NFAM1: variants seen among roughly 807,000 people sequenced by gnomAD.
NFAM1 encodes the protein NFAT activation molecule 1.
A neutral mutation model predicts 29.0 loss-of-function variants in NFAM1; 17 were observed. That is an observed-to-expected ratio of 0.59 (90% CI 0.40 to 0.88). NFAM1 has a LOEUF of 0.88. Ranked by LOEUF, NFAM1 falls within the 40% of genes least tolerant of loss-of-function variation. The pLI is 0.00. For missense variants in NFAM1, 324 were observed against 344.6 expected, an observed-to-expected ratio of 0.94 and a Z score of 0.47; for synonymous variants, 175 against 147.2, an observed-to-expected ratio of 1.19 and a Z score of -1.36.
intron 4 of NFAM1, among the ~76,000 whole-genome samples, chr22:42,397,046 G>A (rs536259716): frequency 2.2e-4 from 33 of 152,340 alleles, no homozygotes; most frequent in African/African-American, 7.9e-4. Context: ...CAGATCTCAC[G>A]AGATGGGGAC....
chr22:42,400,529 AT>A (rs1929691287), intron 3 of NFAM1, among the ~76,000 whole-genome samples: 1 of 152,202 alleles, frequency 6.6e-6, no homozygotes, highest in Non-Finnish European at 1.5e-5. Flanking sequence ...GAGGCAGAGA[AT>A]TGCTTGAACC....
chr22:42,434,399 C>G (rs1930891485), upstream of NFAM1, among the ~76,000 whole-genome samples: 1 of 152,170 alleles, frequency 6.6e-6, no homozygotes, highest in Non-Finnish European at 1.5e-5. Flanking sequence ...TGCATACTCC[C>G]CAGGCAGGCC....
chr22:42,432,617 C>T (rs1930848796), upstream of NFAM1, among the ~76,000 whole-genome samples: 1 of 152,218 alleles, frequency 6.6e-6, no homozygotes, highest in African/African-American at 2.4e-5. Context: ...GGGCTTCACC[C>T]TGTCTCGGCC....
At chr22:42,400,879 G>A (rs1929703027) in intron 3 of NFAM1, among the ~76,000 whole-genome samples, 1 of 152,226 alleles carries the variant, frequency 6.6e-6, no homozygotes, top group Non-Finnish European at 1.5e-5. Context: ...CAGGGCTGAG[G>A]ATGTGAGCTC....
intron 4 of NFAM1, among the ~76,000 whole-genome samples, chr22:42,397,144 G>A (rs1358104043): frequency 6.6e-6 from 1 of 152,226 alleles, no homozygotes; most frequent in African/African-American, 2.4e-5. Flanking sequence ...GTAGCAAAAA[G>A]AGTGTTCCCA....
chr22:42,436,743 GCTC>G (rs1226119936), upstream of NFAM1, among the ~76,000 whole-genome samples: 1 of 152,248 alleles, frequency 6.6e-6, no homozygotes, highest in Non-Finnish European at 1.5e-5. Flanking sequence ...TGTTATGACT[GCTC>G]CTGCTTCGCA....
intron 4 of NFAM1, among the ~76,000 whole-genome samples, chr22:42,390,600 T>A (rs1929301664): frequency 6.6e-6 from 1 of 152,056 alleles, no homozygotes; most frequent in Non-Finnish European, 1.5e-5. Context: ...GCAGGTCACC[T>A]GAGGTCAGGA....
At position 42,398,515 on chromosome 22, in the gene NFAM1, C is replaced by T. The variant is rs193241512; in HGVS notation, c.565-559G>A. Among the ~76,000 whole-genome samples the T allele has an allele frequency of 1.3e-3, 200 of 151,790 alleles. 1 individual carries two copies. Among genetic ancestry groups the T allele is most frequent in the South Asian group, 2.1e-3 (10 of 4,804 alleles). On this transcript the variant is annotated intron_variant, in intron 3 of 5. Transcript: ENST00000329021. ...GCAACCTCTGCCTCCCGGGTTCAAG[C>T]GATTCTCCCGCCTCAGCCTCCTGAG...
At position 42,419,994 on chromosome 22, in the gene NFAM1, T is replaced by G. The variant is rs1352337876; in HGVS notation, c.122-8258A>C. Among the ~76,000 whole-genome samples the G allele has an allele frequency of 3.3e-4, 5 of 15,034 alleles. No individual in the cohort carries two copies. Among genetic ancestry groups the G allele is most frequent in the African/African-American group, 1.9e-3 (2 of 1,052 alleles). 9.9% of individuals were successfully genotyped at this position (15,034 alleles called of 152,430 possible). A position where few individuals can be genotyped will look rare whatever the true frequency, so the allele number is the denominator to read the frequency against. ...GAGTCTGTAATCCCACTCTTGGTTT[T>G]TTTTTTTTTTTTTTTTTTTTTTTTT... On this transcript the variant is annotated intron_variant, in intron 1 of 5. Coordinates refer to ENST00000329021, the MANE Select transcript of NFAM1 (RefSeq NM_145912.8). The surrounding 1 kb of genome is among the most constrained non-coding windows in gnomAD (Gnocchi z 4.5).
the NFAM1 span, among the ~76,000 whole-genome samples, chr22:42,437,559 A>G: frequency 4.6e-5 from 7 of 152,174 alleles, no homozygotes; most frequent in African/African-American, 1.7e-4. Context: ...CCCTCAGACA[A>G]CAGACGCCAG....
chr22:42,408,309 T>G (rs1929967853), intron 3 of NFAM1, among the ~76,000 whole-genome samples: 1 of 152,214 alleles, frequency 6.6e-6, no homozygotes, highest in Non-Finnish European at 1.5e-5. Flanking sequence ...TAAATTCCCG[T>G]GGAAGAGAGC....
At chr22:42,435,663 T>C (rs1930920941), upstream of NFAM1, among the ~76,000 whole-genome samples, 1 of 152,058 alleles carries the variant, frequency 6.6e-6, no homozygotes, top group Non-Finnish European at 1.5e-5. Flanking sequence ...TGTTTTCAGT[T>C]TAGTTCCACA....
At chr22:42,390,147 C>T (rs975632229) in intron 4 of NFAM1, among the ~76,000 whole-genome samples, 3 of 152,046 alleles carry the variant, frequency 2.0e-5, no homozygotes, top group Admixed American at 1.3e-4. Flanking sequence ...GGGACAGAGC[C>T]GCCGGGTGGG....
chr22:42,413,098 C>T (rs1930147719), intron 1 of NFAM1, among the ~76,000 whole-genome samples: 2 of 152,330 alleles, frequency 1.3e-5, no homozygotes, highest in African/African-American at 2.4e-5. Flanking sequence ...CTCCTGGGTT[C>T]TCCAGGCCCC....
rs1314184305 is a variant in NFAM1 at position 42,385,001 on chromosome 22, G to A, written c.*160C>T. The A allele has an allele frequency of 7.2e-6, 5 of 697,792 alleles. No individual in the cohort carries two copies. The highest frequency in any genetic ancestry group is 1.0e-5 in the Non-Finnish European group (4 of 386,038). The allele number at this position is 697,792 out of a possible 1,614,324, so 43.2% of individuals were successfully genotyped here. A position where few individuals can be genotyped will look rare whatever the true frequency, so the allele number is the denominator to read the frequency against. ...TGGTGGTTGGGGCATAGAATGGGGG[G>A]GCAGTGGGGCCGGCCAAGACAGGAA... On this transcript the variant is annotated 3_prime_UTR_variant, in exon 6 of 6. Coordinates refer to ENST00000329021, the MANE Select transcript of NFAM1 (RefSeq NM_145912.8).
At chr22:42,397,800 G>T in intron 4 of NFAM1, 58 bp downstream of exon 4, 1 of 961,714 alleles carries the variant, frequency 1.0e-6, no homozygotes, top group Non-Finnish European at 1.7e-6. Context: ...CCTGGTACAA[G>T]ACAGACTCTG....
chr22:42,397,806 C>T (rs1266027706), intron 4 of NFAM1, 52 bp downstream of exon 4: 2 of 1,001,852 alleles, frequency 2.0e-6, no homozygotes, highest in Non-Finnish European at 3.2e-6. Flanking sequence ...ACAAGACAGA[C>T]TCTGCCTAAG....
intron 1 of NFAM1, among the ~76,000 whole-genome samples, chr22:42,424,666 T>C (rs781761037): frequency 4.0e-5 from 6 of 151,736 alleles, no homozygotes; most frequent in Non-Finnish European, 7.4e-5. Flanking sequence ...CGCAAGAAAG[T>C]TCTCGGGTAA....
chr22:42,407,081 C>CTTT lies in NFAM1; in HGVS notation c.564+2351_564+2353dup, dbSNP rs1177618694. ...TGAGCCACCGCACCCGGACCTTCCTCTTTTTTTTTTTTTTTTTAGATGGAG... is the reference window on the plus strand; with the variant it reads ...TGAGCCACCGCACCCGGACCTTCCTCTTTTTTTTTTTTTTTTTTTTAGATGGAG... On this transcript the variant is annotated intron_variant, in intron 3 of 5. Transcript: ENST00000329021. Among the ~76,000 whole-genome samples, 12 of 118,986 alleles carry CTTT rather than the reference C, an allele frequency of 1.0e-4. No homozygotes were observed. The South Asian group carries it at 1.1e-3, about 11-fold the overall frequency. 78.1% of individuals were successfully genotyped at this position (118,986 alleles called of 152,430 possible). A position where few individuals can be genotyped will look rare whatever the true frequency, so the allele number is the denominator to read the frequency against.
Sources: allele counts gnomAD v4.1 joint callset (sites outside exome capture counted in the v4.1 genomes callset), GRCh38; gene constraint gnomAD v4.1.1; non-coding constraint Gnocchi (gnomAD v3.1); transcripts MANE v1.5; gene names NCBI Gene and HGNC (gene_info 2026-07-23, HGNC 2026-07-21).